Variants in GRIN2A observed in about 807,000 individuals in gnomAD.
GRIN2A encodes glutamate receptor ionotropic, NMDA 2A.
A neutral mutation model predicts 113.4 loss-of-function variants in GRIN2A; 22 were observed. That is an observed-to-expected ratio of 0.19 (90% CI 0.14 to 0.28). The LOEUF (loss-of-function observed/expected upper bound fraction) is 0.28, where lower values mean the gene tolerates loss of function less well. GRIN2A is among the 10% of genes least tolerant of loss of function. The probability of loss-of-function intolerance (pLI) is 1.00; values close to 1 mark genes in which losing one functional copy is unlikely to be tolerated. For missense variants in GRIN2A, 1,502 were observed against 1,887.0 expected (o/e 0.80, Z 3.78); for synonymous variants, 827 against 738.4 (o/e 1.12, Z -1.94).
chr16:10,141,455 T>G (rs904949933), intron 2 of GRIN2A, among the ~76,000 whole-genome samples: 1 of 151,516 alleles, frequency 6.6e-6, no homozygotes, highest in African/African-American at 2.4e-5. Flanking sequence ...GCCGCTGCAC[T>G]CCAGCCTGGG....
In GRIN2A at chr16:10,055,880, G is replaced by A. The variant is rs563861295; in HGVS notation, c.415-117329C>T. On this transcript the variant is annotated intron_variant, in intron 2 of 12. Coordinates refer to ENST00000330684, the MANE Select transcript of GRIN2A (RefSeq NM_001134407.3). Reference sequence around the variant, plus strand: ...AATAATTGAAATATGAAATAGTGGTGTCTATACATGTACATTTTTGTCACT... The same window carrying A: ...AATAATTGAAATATGAAATAGTGGTATCTATACATGTACATTTTTGTCACT... 2.2e-4 allele frequency among the ~76,000 whole-genome samples: 33 copies of A among 152,302 alleles called. 1 individual carries two copies. Among genetic ancestry groups the A allele is most frequent in the Admixed American group, 1.2e-3 (18 of 15,308 alleles).
Position 9,755,700 on chromosome 16 carries a change from G to A in GRIN2A, c.*7449C>T, listed in dbSNP as rs980858555. The A allele has an allele frequency of 1.4e-5, 3 of 207,464 alleles. No homozygotes were observed. Among genetic ancestry groups the A allele is most frequent in the Non-Finnish European group, 3.0e-5 (3 of 101,348 alleles). 12.9% of individuals were successfully genotyped at this position (207,464 alleles called of 1,614,324 possible). On this transcript the variant is annotated 3_prime_UTR_variant, in exon 13 of 13. Coordinates refer to ENST00000330684, the MANE Select transcript of GRIN2A (RefSeq NM_001134407.3). Reference sequence around the variant, plus strand: ...CAGGAAAGGCAGTGTGTGCTCAGGGGCATGCCTGCAGGATATGTTAAACAT... The same window carrying A: ...CAGGAAAGGCAGTGTGTGCTCAGGGACATGCCTGCAGGATATGTTAAACAT...
chr16:9,796,529 T>G (rs962474812), intron 11 of GRIN2A, among the ~76,000 whole-genome samples: 1 of 152,238 alleles, frequency 6.6e-6, no homozygotes, highest in African/African-American at 2.4e-5. Context: ...GACCCTGAAC[T>G]TGGCCACCTG....
intron 2 of GRIN2A, among the ~76,000 whole-genome samples, chr16:10,176,947 C>G (rs1368682236): frequency 6.6e-6 from 1 of 152,148 alleles, no homozygotes; most frequent in African/African-American, 2.4e-5. Context: ...GGGGCACTAT[C>G]ATGTTGCCAA....
intron 2 of GRIN2A, 105 bp downstream of exon 2, chr16:10,179,893 C>CCCCAAAAAAAAAAAAAAA: frequency 9.7e-6 from 7 of 719,804 alleles, no homozygotes; most frequent in African/African-American, 1.8e-5. Flanking sequence ...CCCCCACCCC[C>CCCCAAAAAAAAAAAAAAA]ACTTCACATC....
chr16:10,118,220 C>T (rs181601750), intron 2 of GRIN2A, among the ~76,000 whole-genome samples: 19 of 152,240 alleles, frequency 1.2e-4, no homozygotes, highest in Middle Eastern at 3.4e-3. Flanking sequence ...CTGTATTCAG[C>T]CGTGCTGGAA....
chr16:9,794,364 A>C (rs1902830573), intron 11 of GRIN2A, among the ~76,000 whole-genome samples: 1 of 152,240 alleles, frequency 6.6e-6, no homozygotes, highest in South Asian at 2.1e-4. Context: ...ACTGTGTAAC[A>C]AGAGATAAAC....
At chr16:9,777,734 G>T (rs1280880940) in intron 11 of GRIN2A, among the ~76,000 whole-genome samples, 2 of 152,184 alleles carry the variant, frequency 1.3e-5, no homozygotes, top group African/African-American at 4.8e-5. Context: ...GGATGGAGTT[G>T]GGGGATTTTA....
intron 5 of GRIN2A, among the ~76,000 whole-genome samples, chr16:9,848,601 AT>A (rs1309164067): frequency 2.0e-5 from 3 of 148,924 alleles, no homozygotes; most frequent in Non-Finnish European, 4.5e-5. Flanking sequence ...ATGTATAAAA[AT>A]ATATGATCTT....
intron 11 of GRIN2A, among the ~76,000 whole-genome samples, chr16:9,792,071 A>T (rs1902638025): frequency 7.2e-6 from 1 of 139,544 alleles, no homozygotes; most frequent in Admixed American, 7.1e-5. Flanking sequence ...GAACCTGATG[A>T]AGTAAAATTG....
chr16:10,135,387 T>A (rs559046027), intron 2 of GRIN2A, among the ~76,000 whole-genome samples: 4 of 152,232 alleles, frequency 2.6e-5, no homozygotes, highest in Non-Finnish European at 5.9e-5. Context: ...TGTTTCTTAC[T>A]TCTGAGTCCC....
chr16:9,857,149 A>C (rs986280133), intron 4 of GRIN2A, among the ~76,000 whole-genome samples: 1 of 152,204 alleles, frequency 6.6e-6, no homozygotes, highest in African/African-American at 2.4e-5. Context: ...TCATTAAAAA[A>C]CAAGAAGGTC....
intron 2 of GRIN2A, among the ~76,000 whole-genome samples, chr16:9,954,217 G>T (rs985433324): frequency 6.6e-6 from 1 of 152,144 alleles, no homozygotes; most frequent in African/African-American, 2.4e-5. Flanking sequence ...TACCTTCAAT[G>T]TTGAAGAACA....
At chr16:9,979,899 C>A (rs1366158335) in intron 2 of GRIN2A, among the ~76,000 whole-genome samples, 2 of 146,898 alleles carry the variant, frequency 1.4e-5, no homozygotes, top group Non-Finnish European at 3.0e-5. Flanking sequence ...TATATATACC[C>A]AAGATATTTA....
intron 10 of GRIN2A, among the ~76,000 whole-genome samples, chr16:9,803,907 T>C (rs1238801087): frequency 2.6e-5 from 4 of 152,224 alleles, no homozygotes. Context: ...TGGGGGGTTT[T>C]AGCTATAAAT....
chr16:10,038,067 G>A (rs1441285913), intron 2 of GRIN2A, among the ~76,000 whole-genome samples: 1 of 147,808 alleles, frequency 6.8e-6, no homozygotes, highest in Non-Finnish European at 1.5e-5. Flanking sequence ...CACATAAACT[G>A]CGCGTAAAAA....
intron 2 of GRIN2A, among the ~76,000 whole-genome samples, chr16:10,058,638 C>T (rs1479910065): frequency 6.6e-6 from 1 of 152,204 alleles, no homozygotes; most frequent in African/African-American, 2.4e-5. Flanking sequence ...TAAAAATAAG[C>T]AATTTTTCCC....
intron 2 of GRIN2A, among the ~76,000 whole-genome samples, chr16:9,952,032 G>A (rs900983955): frequency 3.9e-5 from 6 of 152,134 alleles, no homozygotes; most frequent in Non-Finnish European, 7.4e-5. Flanking sequence ...CATATTTGCT[G>A]CAAACTTTGT....
chr16:9,987,926 A>T (rs930933147), intron 2 of GRIN2A, among the ~76,000 whole-genome samples: 2 of 152,184 alleles, frequency 1.3e-5, no homozygotes, highest in African/African-American at 4.8e-5. Flanking sequence ...AAATCCAAAG[A>T]CTGTACAGCT....
Sources: gnomAD v4.1 joint callset for allele counts (sites outside exome capture counted in the v4.1 genomes callset) on GRCh38, gnomAD v4.1.1 for gene constraint, MANE v1.5 for transcripts, NCBI Gene and HGNC (gene_info 2026-07-23, HGNC 2026-07-21) for gene names.